Variants in CDKL3 observed in about 807,000 individuals in gnomAD.
CDKL3 encodes the protein cyclin dependent kinase like 3.
Under a neutral mutation model 69.3 loss-of-function variants are expected in CDKL3, and 65 were observed. The observed-to-expected ratio is 0.94, with a 90% CI of 0.77 to 1.15. The LOEUF (loss-of-function observed/expected upper bound fraction) is 1.15, where lower values mean the gene tolerates loss of function less well. CDKL3 is among the 50% of genes most tolerant of loss of function. The pLI is 0.00. For synonymous variants in CDKL3, 202 were observed against 221.6 expected (o/e 0.91, Z 0.79); for missense variants, 652 against 689.2 (o/e 0.95, Z 0.61).
At chr5:134,306,527 T>C in intron 10 of CDKL3, 82 bp downstream of exon 10, 2 of 828,944 alleles carry the variant, frequency 2.4e-6, no homozygotes, top group African/African-American at 1.7e-5. Context: ...CAAAAAAGTA[T>C]TAGAGCCCTA....
chr5:134,326,990 T>C (rs1370239045), intron 4 of CDKL3, among the ~76,000 whole-genome samples: 1 of 151,576 alleles, frequency 6.6e-6, no homozygotes, highest in African/African-American at 2.4e-5. Flanking sequence ...CCAAGACAAC[T>C]TTTTCCTTCC....
At chr5:134,298,810 T>A (rs773046686) in intron 12 of CDKL3, 100 bp from the exon 13 acceptor site, 156 of 1,469,298 alleles carry the variant, frequency 1.1e-4, no homozygotes, top group Non-Finnish European at 1.4e-4. Context: ...TGTAAATTAC[T>A]AAATTATAAA....
rs143561501 is a variant in CDKL3 at position 134,319,267 on chromosome 5, T to C, written c.792+91A>G. ...AATCTCATGACCTGGGAGTCAGAGG[T>C]TGCAGTGAGCCGAGATCACTCCACT... On this transcript the variant is annotated intron_variant, in intron 6 of 12. Transcript: ENST00000265334. The C allele has an allele frequency of 1.4e-3, 1,304 of 921,570 alleles. 10 individuals are homozygous for C. In the African/African-American group the frequency reaches 0.019, roughly 13 times the overall value. The allele number at this position is 921,570 out of a possible 1,614,324, so 57.1% of individuals were successfully genotyped here. A position where few individuals can be genotyped will look rare whatever the true frequency, so the allele number is the denominator to read the frequency against.
intron 4 of CDKL3, among the ~76,000 whole-genome samples, chr5:134,348,976 G>A: frequency 6.6e-6 from 1 of 152,168 alleles, no homozygotes. Context: ...AAGGTACCCA[G>A]GGGAATGGAT....
upstream of CDKL3, chr5:134,371,235 T>A: frequency 3.0e-6 from 1 of 338,218 alleles, no homozygotes; most frequent in Non-Finnish European, 5.5e-6. Flanking sequence ...GGAGACGGGA[T>A]AGTGTTTCTG....
At chr5:134,285,883 G>A (rs1167887693), downstream of CDKL3, among the ~76,000 whole-genome samples, 1 of 152,126 alleles carries the variant, frequency 6.6e-6, no homozygotes, top group Non-Finnish European at 1.5e-5. Context: ...CAGCACTTTG[G>A]GAGGCCAAGG....
At chr5:134,288,092 C>A (rs1316493188) in intron 8 of CDKL3, among the ~76,000 whole-genome samples, 1 of 152,042 alleles carries the variant, frequency 6.6e-6, no homozygotes, top group Non-Finnish European at 1.5e-5. Flanking sequence ...TGGGGTTTCT[C>A]CATGTTGGTC....
At chr5:134,363,943 G>T (rs969367966) in intron 2 of CDKL3, among the ~76,000 whole-genome samples, 20 of 140,344 alleles carry the variant, frequency 1.4e-4, no homozygotes, top group Admixed American at 2.2e-4. Context: ...GGGCAACAGG[G>T]AGACTCCATT....
At chr5:134,349,222 TATA>T (rs1752657894) in intron 4 of CDKL3, among the ~76,000 whole-genome samples, 1 of 152,196 alleles carries the variant, frequency 6.6e-6, no homozygotes. Context: ...TACATATTAT[TATA>T]ATAACACAAT....
Position 134,308,556 on chromosome 5 carries a change from A to G in CDKL3, c.1035+18T>C. ...ATAATATAATTATACTGGCTGAAAC[A>G]AAAACCAAAGTTCTTACCTTTCCCA... On this transcript the variant is annotated intron_variant, in intron 8 of 12. Transcript: ENST00000265334. The G allele has an allele frequency of 6.4e-7, 1 of 1,566,646 alleles. No homozygotes were observed. Among genetic ancestry groups the G allele is most frequent in the Non-Finnish European group, 8.6e-7 (1 of 1,164,524 alleles).
intron 8 of CDKL3, among the ~76,000 whole-genome samples, chr5:134,288,253 C>A (rs1029818732): frequency 1.3e-5 from 2 of 152,282 alleles, no homozygotes; most frequent in South Asian, 2.1e-4. Flanking sequence ...TCCAATGTAA[C>A]CCCAAATGAT....
chr5:134,370,777 A>G (rs767671458), upstream of CDKL3, among the ~76,000 whole-genome samples: 2 of 152,196 alleles, frequency 1.3e-5, no homozygotes, highest in Non-Finnish European at 2.9e-5. Context: ...GCCTTAGAAG[A>G]TCGTGCGATC....
chr5:134,295,551 C>A (rs943301542), downstream of CDKL3, among the ~76,000 whole-genome samples: 1 of 152,130 alleles, frequency 6.6e-6, no homozygotes, highest in Non-Finnish European at 1.5e-5. Context: ...TTTGCACCAA[C>A]CTAATAGTTG....
At chr5:134,348,810 TTGAG>T (rs886735250) in intron 4 of CDKL3, among the ~76,000 whole-genome samples, 4 of 152,178 alleles carry the variant, frequency 2.6e-5, no homozygotes, top group African/African-American at 9.6e-5. Context: ...TTTGAGGACT[TTGAG>T]TAAGAGTAGA....
chr5:134,301,145 G>A (rs929671336), intron 12 of CDKL3, among the ~76,000 whole-genome samples: 1 of 152,134 alleles, frequency 6.6e-6, no homozygotes, highest in Admixed American at 6.5e-5. Flanking sequence ...TTACAGGCAT[G>A]AGCCACCACA....
upstream of CDKL3, chr5:134,371,533 G>T (rs1054411665): frequency 1.9e-6 from 3 of 1,583,502 alleles, no homozygotes; most frequent in Non-Finnish European, 2.6e-6. Context: ...CGCCGCGCCG[G>T]GGGGTGGGGG....
At chr5:134,343,893 C>G (rs913428311) in intron 4 of CDKL3, among the ~76,000 whole-genome samples, 10 of 152,342 alleles carry the variant, frequency 6.6e-5, no homozygotes, top group African/African-American at 2.4e-4. Flanking sequence ...CCTGCACACT[C>G]ACGCCGGCTC....
chr5:134,366,320 T>A, intron 2 of CDKL3, 39 bp downstream of exon 2: 1 of 1,442,554 alleles, frequency 6.9e-7, no homozygotes, highest in South Asian at 1.3e-5. Context: ...ATAACAATTT[T>A]TTCTTTTGAC....
At chr5:134,327,975 T>C (rs1183771030) in intron 4 of CDKL3, among the ~76,000 whole-genome samples, 2 of 152,092 alleles carry the variant, frequency 1.3e-5, no homozygotes, top group African/African-American at 2.4e-5. Context: ...ATTGGCTCCA[T>C]GAAAATAATT....
Sources: allele counts gnomAD v4.1 joint callset (sites outside exome capture counted in the v4.1 genomes callset), GRCh38; gene constraint gnomAD v4.1.1; transcripts MANE v1.5; gene names NCBI Gene and HGNC (gene_info 2026-07-23, HGNC 2026-07-21).